NDUFS7: variants seen among roughly 807,000 people sequenced by gnomAD.
NDUFS7 encodes the protein NADH:ubiquinone oxidoreductase core subunit S7.
In NDUFS7, 11 loss-of-function variants were observed where a neutral mutation model predicts 31.1. The ratio of observed to expected loss-of-function variants is 0.35; its 90% CI spans 0.22 to 0.59. The LOEUF (loss-of-function observed/expected upper bound fraction) is 0.59, where lower values mean the gene tolerates loss of function less well. Ranked by LOEUF, NDUFS7 falls within the 20% of genes least tolerant of loss-of-function variation. The pLI, the probability that NDUFS7 is intolerant of heterozygous loss-of-function variation, is 0.79. For missense variants in NDUFS7, 263 were observed against 324.2 expected (o/e 0.81, Z 1.45); for synonymous variants, 136 against 127.9 (o/e 1.06, Z -0.43).
Position 1,395,495 on chromosome 19 carries a change from C to CGCCGCCGCCGCCGGAGCCT in NDUFS7, c.*9_*27dup, listed in dbSNP as rs1244096225. ...GATCTGGTACCGCAGGTAGCGCCGC[C>CGCCGCCGCCGCCGGAGCCT]GCCGCCGCCGCCGGAGCCTGTCGCC... On this transcript the variant is annotated 3_prime_UTR_variant, in exon 8 of 8. Coordinates refer to ENST00000233627, the MANE Select transcript of NDUFS7 (RefSeq NM_024407.5). 11 of 1,563,896 alleles carry CGCCGCCGCCGCCGGAGCCT rather than the reference C, an allele frequency of 7.0e-6. No individual in the cohort carries two copies. The highest frequency in any genetic ancestry group is 1.7e-4 in the Middle Eastern group (1 of 6,022).
chr19:1,387,346 G>A (rs925277636), intron 1 of NDUFS7, among the ~76,000 whole-genome samples: 2 of 152,242 alleles, frequency 1.3e-5, no homozygotes, highest in African/African-American at 2.4e-5. Flanking sequence ...AGATAGAACC[G>A]GGTGCCGGCA....
At chr19:1,389,158 C>T (rs1348051874) in intron 4 of NDUFS7, 4 of 699,948 alleles carry the variant, frequency 5.7e-6, no homozygotes, top group Admixed American at 4.0e-5. Context: ...CACTCGCACA[C>T]ATGCACACTT....
intron 3 of NDUFS7, 66 bp downstream of exon 3, chr19:1,388,659 G>A (rs780169395): frequency 6.5e-7 from 1 of 1,538,878 alleles, no homozygotes; most frequent in Non-Finnish European, 8.9e-7. Context: ...CTTATTTTCT[G>A]CATCAGTGCC....
chr19:1,392,683 A>G (rs566413190), intron 6 of NDUFS7: 1 of 172,354 alleles, frequency 5.8e-6, no homozygotes, highest in Non-Finnish European at 1.3e-5. Context: ...ACATATTACT[A>G]ATCTAATTCT....
intron 7 of NDUFS7, chr19:1,394,218 G>A (rs528743511): frequency 4.4e-6 from 2 of 452,798 alleles, no homozygotes; most frequent in Non-Finnish European, 7.5e-6. Context: ...TGGAAAGGGC[G>A]TTGATTTGTT....
intron 1 of NDUFS7, among the ~76,000 whole-genome samples, chr19:1,385,115 TTGAA>T (rs2082498966): frequency 6.6e-6 from 1 of 152,094 alleles, no homozygotes; most frequent in Non-Finnish European, 1.5e-5. Flanking sequence ...ACGCTAAGAA[TTGAA>T]TGAAGGGCTA....
Position 1,393,844 on chromosome 19 carries a change from A to G in NDUFS7, c.544+514A>G, listed in dbSNP as rs534157846. On this transcript the variant is annotated intron_variant, in intron 7 of 7. Transcript: ENST00000233627. The surrounding 1 kb of genome is among the most constrained non-coding windows in gnomAD (Gnocchi z 7.3). ...TGTTTAGTACGAGTATATCCCAACA[A>G]TATTTGGGCTATACTGACACTAAAA... is the stretch of plus-strand genomic sequence containing the variant. The G allele has an allele frequency of 1.1e-5, 3 of 284,468 alleles. No individual in the cohort carries two copies. The highest frequency in any genetic ancestry group is 6.5e-5 in the African/African-American group (3 of 46,496). 17.6% of individuals were successfully genotyped at this position (284,468 alleles called of 1,614,324 possible).
chr19:1,393,783 G>A lies in NDUFS7; in HGVS notation c.544+453G>A, dbSNP rs997598053. On this transcript the variant is annotated intron_variant, in intron 7 of 7. Coordinates refer to ENST00000233627, the MANE Select transcript of NDUFS7 (RefSeq NM_024407.5). This position sits in a 1 kb window ranked among gnomAD's most constrained non-coding sequence, Gnocchi z 7.3. ...GGCTTAGTTTGACTGTGAGGTTAGGGTGAATTTGACCATCAGGAAAACTGT... is the reference window on the plus strand; with the variant it reads ...GGCTTAGTTTGACTGTGAGGTTAGGATGAATTTGACCATCAGGAAAACTGT... 4.6e-6 allele frequency: 2 copies of A among 434,066 alleles called. No individual in the cohort carries two copies. The highest frequency in any genetic ancestry group is 3.9e-5 in the African/African-American group (2 of 50,636). The allele number at this position is 434,066 out of a possible 1,614,324, so 26.9% of individuals were successfully genotyped here.
Position 1,389,076 on chromosome 19 carries a change from T to C in NDUFS7, c.228+138T>C, listed in dbSNP as rs879550646. On this transcript the variant is annotated intron_variant, in intron 4 of 7. Transcript: ENST00000233627. The stretch of plus-strand genomic sequence containing the variant: ...GCACACTCACATGCGCACATGTGCA[T>C]GCAAGCTCACATGTATGGACAGATG... 46 of 778,900 alleles carry C rather than the reference T, an allele frequency of 5.9e-5. 1 individual carries two copies. The East Asian group carries it at 1.1e-3, about 18-fold the overall frequency. 48.2% of individuals were successfully genotyped at this position (778,900 alleles called of 1,614,324 possible).
chr19:1,389,926 C>T (rs558181670), intron 4 of NDUFS7: 25 of 201,392 alleles, frequency 1.2e-4, no homozygotes, highest in South Asian at 9.2e-4. Flanking sequence ...TTTTTTGAGA[C>T]GGAGGCTCGC....
intron 4 of NDUFS7, 101 bp from the exon 5 acceptor site, chr19:1,390,770 C>T: frequency 7.1e-7 from 1 of 1,404,086 alleles, no homozygotes; most frequent in Non-Finnish European, 9.8e-7. Flanking sequence ...GGCTGCCGCC[C>T]CGGGACATGA....
At chr19:1,392,628 C>T (rs979342720) in intron 6 of NDUFS7, 12 of 162,116 alleles carry the variant, frequency 7.4e-5, no homozygotes, top group South Asian at 3.4e-4. Flanking sequence ...GGCCTGTGTC[C>T]GAGCCTCGTG....
chr19:1,394,744 C>CT, intron 7 of NDUFS7: 1 of 1,187,084 alleles, frequency 8.4e-7, no homozygotes, highest in Non-Finnish European at 1.1e-6. Context: ...TGCCAGAGCT[C>CT]TGCCAGGTGG....
At chr19:1,394,582 C>G (rs1314439140) in intron 7 of NDUFS7, 3 of 1,219,496 alleles carry the variant, frequency 2.5e-6, no homozygotes, top group Non-Finnish European at 3.1e-6. Flanking sequence ...CCCTGCGGAC[C>G]GCGCTCGGCC....
chr19:1,394,707 T>G (rs79070461), intron 7 of NDUFS7: 37 of 1,187,028 alleles, frequency 3.1e-5, no homozygotes, highest in Admixed American at 2.0e-4. Context: ...GGACTGTGCT[T>G]CTCCCTCCCT....
At chr19:1,388,234 G>A (rs911618189) in intron 2 of NDUFS7, 2 of 588,500 alleles carry the variant, frequency 3.4e-6, no homozygotes, top group Non-Finnish European at 3.0e-6. Context: ...CATGTGTGGA[G>A]GGCCTGCTGC....
At chr19:1,389,248 C>T in intron 4 of NDUFS7, 1 of 655,926 alleles carries the variant, frequency 1.5e-6, no homozygotes, top group Non-Finnish European at 2.8e-6. Flanking sequence ...CATGCACACT[C>T]ATGCGCACAT....
intron 1 of NDUFS7, chr19:1,384,283 G>C (rs1209702759): frequency 2.6e-6 from 1 of 377,822 alleles, no homozygotes; most frequent in East Asian, 5.0e-5. Context: ...TGGAGAGAGC[G>C]GGGCCTGCCT....
At chr19:1,389,536 C>T (rs1458181857) in intron 4 of NDUFS7, 2 of 457,062 alleles carry the variant, frequency 4.4e-6, no homozygotes, top group Non-Finnish European at 8.8e-6. Flanking sequence ...TTCCGTCATT[C>T]TCTTTCTGGC....
Sources: gnomAD v4.1 joint callset for allele counts (sites outside exome capture counted in the v4.1 genomes callset) on GRCh38, gnomAD v4.1.1 for gene constraint, Gnocchi (gnomAD v3.1) non-coding constraint, MANE v1.5 for transcripts, NCBI Gene and HGNC (gene_info 2026-07-23, HGNC 2026-07-21) for gene names.